The following TLL2 variants were observed in gnomAD, a reference collection of about 807,000 sequenced individuals.
TLL2 encodes the protein tolloid like 2, also known as tolloid-like protein 2.
A neutral mutation model predicts 123.0 loss-of-function variants in TLL2; 106 were observed. The ratio of observed to expected loss-of-function variants is 0.86; its 90% CI spans 0.74 to 1.01. The LOEUF (loss-of-function observed/expected upper bound fraction) is 1.01. Among genes scored for constraint, TLL2 ranks in the 50% least tolerant of loss-of-function variants. TLL2 has a pLI of 0.00. For missense variants in TLL2, 1,332 were observed against 1,336.7 expected, an observed-to-expected ratio of 1.00 and a Z score of 0.06; for synonymous variants, 494 against 516.8, an observed-to-expected ratio of 0.96 and a Z score of 0.60.
At chr10:96,373,206 G>A (rs947695260) in intron 19 of TLL2, 6 of 217,260 alleles carry the variant, frequency 2.8e-5, no homozygotes, top group Middle Eastern at 1.6e-3. Flanking sequence ...GCAATGGCAC[G>A]ATCTTGGCTC....
At chr10:96,421,207 T>C (rs949067347) in intron 6 of TLL2, 146 bp from the exon 7 acceptor site, 19 of 615,764 alleles carry the variant, frequency 3.1e-5, no homozygotes, top group African/African-American at 2.0e-4. Context: ...GTGGTTCTTG[T>C]TGTTTTTAAT....
intron 2 of TLL2, among the ~76,000 whole-genome samples, chr10:96,459,810 G>A (rs1262847310): frequency 7.0e-6 from 1 of 143,106 alleles, no homozygotes; most frequent in Non-Finnish European, 1.5e-5. Flanking sequence ...CTCTGATAGA[G>A]GAGACATCAC....
Position 96,435,916 on chromosome 10 carries a change from T to C in TLL2, c.365-2954A>G, listed in dbSNP as rs555921779. Among the ~76,000 whole-genome samples the C allele has an allele frequency of 5.2e-5, 8 of 152,392 alleles. No homozygotes were observed. The South Asian group carries it at 1.7e-3, about 32-fold the overall frequency. On this transcript the variant is annotated intron_variant, in intron 3 of 20. Coordinates refer to ENST00000357947, the MANE Select transcript of TLL2 (RefSeq NM_012465.4). ...AAATGTACATTTTCAATGTTAGATATTGATACATTCTTTAAGTTCCATTTA... is the reference window on the plus strand; with the variant it reads ...AAATGTACATTTTCAATGTTAGATACTGATACATTCTTTAAGTTCCATTTA...
chr10:96,447,891 G>A (rs1329226896), intron 2 of TLL2, among the ~76,000 whole-genome samples: 1 of 152,066 alleles, frequency 6.6e-6, no homozygotes, highest in Admixed American at 6.6e-5. Flanking sequence ...AAGGGCTCGG[G>A]ACACAGTCTC....
chr10:96,412,485 G>A (rs1846516263), intron 8 of TLL2, among the ~76,000 whole-genome samples: 4 of 152,208 alleles, frequency 2.6e-5, no homozygotes, highest in Admixed American at 1.3e-4. Context: ...GGGTCTAGAA[G>A]AGCTCAGACG....
rs118167633 is a variant in TLL2 at position 96,414,230 on chromosome 10, T to C, written c.924-914A>G. Among the ~76,000 whole-genome samples the C allele has an allele frequency of 6.1e-3, 934 of 152,318 alleles. 7 individuals carry two copies. Among genetic ancestry groups the C allele is most frequent in the Admixed American group, 9.0e-3 (137 of 15,304 alleles). ...CCTCTCCTGGATGTTAGGCCTCTCC[T>C]TGAATCAGCATCTCCTCCAGTCACC... is the stretch of plus-strand genomic sequence containing the variant. On this transcript the variant is annotated intron_variant, in intron 7 of 20. Coordinates refer to ENST00000357947, the MANE Select transcript of TLL2 (RefSeq NM_012465.4).
intron 3 of TLL2, among the ~76,000 whole-genome samples, chr10:96,436,189 G>A (rs1846793452): frequency 6.6e-6 from 1 of 152,228 alleles, no homozygotes; most frequent in African/African-American, 2.4e-5. Context: ...CAGATAATAT[G>A]TCAATAAATG....
chr10:96,370,377 G>T, intron 19 of TLL2, 62 bp from the exon 20 acceptor site: 1 of 1,492,754 alleles, frequency 6.7e-7, no homozygotes, highest in East Asian at 2.4e-5. Flanking sequence ...TCCCGCCTGC[G>T]TCTGCTCGGC....
intron 1 of TLL2, among the ~76,000 whole-genome samples, chr10:96,489,161 T>A (rs1366796214): frequency 6.6e-6 from 1 of 152,222 alleles, no homozygotes; most frequent in Non-Finnish European, 1.5e-5. Context: ...ATCAGGGTAA[T>A]GCTGCTGCAG....
rs1307077844 is a variant in TLL2 at position 96,370,204 on chromosome 10, G to A, written c.2774C>T (p.Ala925Val). Reference sequence around the variant, plus strand: ...CAGCTCCACGCCGTAGCCGTCCTCTGCCACGATCACCCAGTCACAGCGGGC... The same window carrying A: ...CAGCTCCACGCCGTAGCCGTCCTCTACCACGATCACCCAGTCACAGCGGGC... ...SEARCDWVIV[A>V]EDGYGVELTF... The change falls in exon 20 of 21, where the codon GCA becomes GTA. Residue 925 changes from alanine to valine, a missense_variant. Ala to Val is a moderately conservative substitution (Grantham distance 64). Coordinates refer to ENST00000357947, the MANE Select transcript of TLL2 (RefSeq NM_012465.4). 2.5e-6 allele frequency: 4 copies of A among 1,613,966 alleles called. No individual in the cohort carries two copies. Among genetic ancestry groups the A allele is most frequent in the Non-Finnish European group, 3.4e-6 (4 of 1,179,978 alleles).
intron 1 of TLL2, among the ~76,000 whole-genome samples, chr10:96,504,612 A>G (rs1847561605): frequency 6.6e-6 from 1 of 152,188 alleles, no homozygotes; most frequent in Non-Finnish European, 1.5e-5. Context: ...ATGAGCTATC[A>G]GAATTGGCAC....
chr10:96,424,255 C>T (rs1019345074), intron 5 of TLL2, among the ~76,000 whole-genome samples: 1 of 151,852 alleles, frequency 6.6e-6, no homozygotes, highest in East Asian at 1.9e-4. Flanking sequence ...ACCAAAAAAA[C>T]AGAGTGACTA....
chr10:96,444,374 A>G (rs555920140), intron 3 of TLL2, among the ~76,000 whole-genome samples: 1 of 152,364 alleles, frequency 6.6e-6, no homozygotes, highest in South Asian at 2.1e-4. Context: ...TGATCCATCC[A>G]TATCAGTAAT....
At chr10:96,428,563 G>A (rs1846701440) in intron 5 of TLL2, 68 bp downstream of exon 5, 4 of 1,006,606 alleles carry the variant, frequency 4.0e-6, no homozygotes, top group Non-Finnish European at 6.1e-6. Flanking sequence ...TAGGTTTACA[G>A]AGAAAATTCA....
chr10:96,435,283 G>A (rs951364786), intron 3 of TLL2, among the ~76,000 whole-genome samples: 12 of 151,844 alleles, frequency 7.9e-5, no homozygotes, highest in South Asian at 2.1e-4. Flanking sequence ...TGCCCGCCTC[G>A]GCCTCCCAAA....
chr10:96,460,242 A>C (rs1176700861), intron 2 of TLL2, among the ~76,000 whole-genome samples: 1 of 152,246 alleles, frequency 6.6e-6, no homozygotes, highest in Non-Finnish European at 1.5e-5. Context: ...TATCCAATAG[A>C]CGTATGGAGA....
chr10:96,377,800 C>T (rs1474389710), intron 17 of TLL2, among the ~76,000 whole-genome samples: 2 of 152,256 alleles, frequency 1.3e-5, no homozygotes, highest in Non-Finnish European at 2.9e-5. Flanking sequence ...ACGCAGAGAA[C>T]AGGTGCTCAA....
chr10:96,434,648 A>G (rs753285376), intron 3 of TLL2, among the ~76,000 whole-genome samples: 6 of 152,364 alleles, frequency 3.9e-5, no homozygotes, highest in Non-Finnish European at 7.3e-5. Flanking sequence ...TTCTATGAAC[A>G]TTCATATACA....
At chr10:96,458,988 A>C (rs564085127) in intron 2 of TLL2, among the ~76,000 whole-genome samples, 1 of 152,330 alleles carries the variant, frequency 6.6e-6, no homozygotes, top group African/African-American at 2.4e-5. Flanking sequence ...AATCAGAGTG[A>C]TCAACATGAG....
Sources: allele counts gnomAD v4.1 joint callset (sites outside exome capture counted in the v4.1 genomes callset), GRCh38; gene constraint gnomAD v4.1.1; transcripts MANE v1.5; gene names NCBI Gene and HGNC (gene_info 2026-07-23, HGNC 2026-07-21).